CPB2: variants seen among roughly 807,000 people sequenced by gnomAD.
CPB2 encodes carboxypeptidase B2.
In CPB2, 54 loss-of-function variants were observed where a neutral mutation model predicts 57.0. That is an observed-to-expected ratio of 0.95 (90% CI 0.76 to 1.19). The LOEUF is 1.19. Among genes scored for constraint, CPB2 ranks in the 50% most tolerant of loss-of-function variants. The pLI, the probability that CPB2 is intolerant of heterozygous loss-of-function variation, is 0.00. For synonymous variants in CPB2, 189 were observed against 178.1 expected (o/e 1.06, Z -0.49); for missense variants, 426 against 512.0 (o/e 0.83, Z 1.62).
chr13:46,063,685 C>A (rs922055268), intron 8 of CPB2, among the ~76,000 whole-genome samples: 2 of 152,164 alleles, frequency 1.3e-5, no homozygotes, highest in South Asian at 2.1e-4. Context: ...AGTATATACT[C>A]AGTGATGAGA....
At chr13:46,053,858 G>C (rs1234859828) in intron 10 of CPB2, 60 bp from the exon 11 acceptor site, 1 of 1,488,740 alleles carries the variant, frequency 6.7e-7, no homozygotes, top group East Asian at 2.3e-5. Context: ...TTACAAACTG[G>C]GAATTGTTTG....
At chr13:46,102,877 A>G (rs1264486369) in intron 1 of CPB2, among the ~76,000 whole-genome samples, 1 of 152,200 alleles carries the variant, frequency 6.6e-6, no homozygotes, top group Non-Finnish European at 1.5e-5. Flanking sequence ...GGACCCTCGC[A>G]GTATGCAAAA....
At chr13:46,075,629 G>A (rs557841587) in intron 5 of CPB2, among the ~76,000 whole-genome samples, 2 of 152,194 alleles carry the variant, frequency 1.3e-5, no homozygotes, top group Non-Finnish European at 2.9e-5. Flanking sequence ...CCTTGAGTCT[G>A]CACTGTAAGT....
intron 1 of CPB2, 95 bp downstream of exon 1, chr13:46,104,841 A>AT: frequency 1.4e-6 from 2 of 1,456,326 alleles, no homozygotes; most frequent in Non-Finnish European, 1.9e-6. Context: ...AAAGTTTACC[A>AT]TTTTGTCCAC....
chr13:46,100,559 C>T (rs1326381889), intron 1 of CPB2: 4 of 152,134 alleles, frequency 2.6e-5, no homozygotes, highest in Non-Finnish European at 5.9e-5. Flanking sequence ...GGGGTGCACT[C>T]CCCTTACCTC....
rs370667336 is a variant in CPB2 at position 46,053,677 on chromosome 13, G to C, written c.1209C>G (p.Pro403=). The C allele has an allele frequency of 1.2e-6, 2 of 1,614,060 alleles. No homozygotes were observed. Among genetic ancestry groups the C allele is most frequent in the Non-Finnish European group, 1.7e-6 (2 of 1,180,042 alleles). ...CAGCGGCAAAAGCTTCTCTACAGGT[G>C]GGTTTGATGTAACGCTCCGGCAGCA... is the stretch of plus-strand genomic sequence containing the variant. ...GFLLPERYIK[P]TCREAFAAVS... is the part of the protein sequence containing the mutation. Residue 403 remains proline, a synonymous_variant, in exon 11 of 11, where the codon CCC becomes CCG. Coordinates refer to ENST00000181383, the MANE Select transcript of CPB2 (RefSeq NM_001872.5).
chr13:46,064,340 C>A (rs899443557), intron 8 of CPB2, among the ~76,000 whole-genome samples: 1 of 151,990 alleles, frequency 6.6e-6, no homozygotes, highest in Admixed American at 6.5e-5. Flanking sequence ...AAAATAGGAT[C>A]TTTAACTGTC....
At chr13:46,102,741 A>G (rs1275825362) in intron 1 of CPB2, among the ~76,000 whole-genome samples, 1 of 152,106 alleles carries the variant, frequency 6.6e-6, no homozygotes, top group African/African-American at 2.4e-5. Context: ...TTTGGTAAAA[A>G]AATTTATTTT....
At chr13:46,067,506 T>C (rs2044874916) in intron 6 of CPB2, 89 bp from the exon 7 acceptor site, 2 of 710,830 alleles carry the variant, frequency 2.8e-6, no homozygotes, top group Non-Finnish European at 4.8e-6. Flanking sequence ...ATTTGTCATT[T>C]GGCATGTTTA....
chr13:46,104,926 A>G lies in CPB2; in HGVS notation c.74+10T>C. The G allele has an allele frequency of 6.2e-7, 1 of 1,613,888 alleles. No homozygotes were observed. Among genetic ancestry groups the G allele is most frequent in the South Asian group, 1.1e-5 (1 of 91,078 alleles). On this transcript the variant is annotated intron_variant, in intron 1 of 10. Transcript: ENST00000181383. ...GTGGCCCACCACAGTCTAAGATTCTATTGGGTTACCTCTGAAACGCGAAGA... is the reference window on the plus strand; with the variant it reads ...GTGGCCCACCACAGTCTAAGATTCTGTTGGGTTACCTCTGAAACGCGAAGA...
chr13:46,058,351 T>C lies in CPB2; in HGVS notation c.827A>G (p.Glu276Gly), dbSNP rs777244269. ...EEGASSSSCS[E>G]TYCGLYPESE... ...CTCAGGATAAAGTCCACAGTAGGTTTCCGAGCATGAGGAACTGGATGCACC... is the reference window on the plus strand; with the variant it reads ...CTCAGGATAAAGTCCACAGTAGGTTCCCGAGCATGAGGAACTGGATGCACC... Residue 276 changes from glutamate (E) to glycine (G), a missense_variant, in exon 9 of 11, where the codon GAA becomes GGA. Coordinates refer to ENST00000181383, the MANE Select transcript of CPB2 (RefSeq NM_001872.5). 3 of 1,613,976 alleles carry C rather than the reference T, an allele frequency of 1.9e-6. No individual in the cohort carries two copies. The African/African-American group carries it at 4.0e-5, about 22-fold the overall frequency.
intron 1 of CPB2, chr13:46,101,025 G>A (rs1474338941): frequency 6.6e-6 from 1 of 152,188 alleles, no homozygotes; most frequent in Non-Finnish European, 1.5e-5. Context: ...AATTTGGTCT[G>A]AGGATGCCTC....
At chr13:46,093,365 A>G (rs1430224338) in intron 1 of CPB2, among the ~76,000 whole-genome samples, 1 of 152,244 alleles carries the variant, frequency 6.6e-6, no homozygotes. Context: ...CTCTGGTACA[A>G]GTTTAGCATA....
At chr13:46,066,531 A>G (rs1171980417) in intron 7 of CPB2, among the ~76,000 whole-genome samples, 1 of 152,212 alleles carries the variant, frequency 6.6e-6, no homozygotes, top group African/African-American at 2.4e-5. Flanking sequence ...TGGATCCAGA[A>G]TCAAAGAAAC....
At chr13:46,065,523 A>C (rs2044840390) in intron 7 of CPB2, among the ~76,000 whole-genome samples, 3 of 145,526 alleles carry the variant, frequency 2.1e-5, no homozygotes, top group African/African-American at 5.1e-5. Context: ...GCTACTCGGG[A>C]GGCTGAGGCA....
rs767675298 is a variant in CPB2, at chr13:46,084,223, A to T, written c.271T>A (p.Cys91Ser). ...KAHLNVSGIPCSVLLADVEDL... is the reference protein window; with the variant it reads ...KAHLNVSGIPSSVLLADVEDL... ...TACGTATTGAACGGTGCCTACCTGCATGGAATTCCGCTCACATTTAAATGG... is the reference window on the plus strand; with the variant it reads ...TACGTATTGAACGGTGCCTACCTGCTTGGAATTCCGCTCACATTTAAATGG... The change falls in exon 3 of 11, where the codon TGC becomes AGC. Residue 91 changes from cysteine (C) to serine (S), a missense_variant. Coordinates refer to ENST00000181383, the MANE Select transcript of CPB2 (RefSeq NM_001872.5). 6.2e-7 allele frequency: 1 copy of T among 1,614,154 alleles called. No individual in the cohort carries two copies. The highest frequency in any genetic ancestry group is 8.5e-7 in the Non-Finnish European group (1 of 1,179,990).
intron 8 of CPB2, among the ~76,000 whole-genome samples, chr13:46,060,189 A>G (rs1378424435): frequency 1.3e-5 from 2 of 152,184 alleles, no homozygotes; most frequent in Admixed American, 6.5e-5. Flanking sequence ...AAGGCCAGGC[A>G]CGGTGGCTCA....
intron 1 of CPB2, among the ~76,000 whole-genome samples, chr13:46,093,159 C>T (rs1158413056): frequency 2.0e-5 from 3 of 152,046 alleles, no homozygotes; most frequent in Admixed American, 6.5e-5. Context: ...ACAATCCACC[C>T]GCCTCAGCCT....
chr13:46,095,166 C>G (rs1467627753), intron 1 of CPB2, among the ~76,000 whole-genome samples: 1 of 152,112 alleles, frequency 6.6e-6, no homozygotes, highest in East Asian at 1.9e-4. Flanking sequence ...ATCATTATTT[C>G]CCTGGTCACC....
Sources: allele counts gnomAD v4.1 joint callset (sites outside exome capture counted in the v4.1 genomes callset), GRCh38; gene constraint gnomAD v4.1.1; transcripts MANE v1.5; gene names NCBI Gene and HGNC (gene_info 2026-07-23, HGNC 2026-07-21).